Variants in COL14A1 observed in about 807,000 individuals in gnomAD.
COL14A1 encodes the protein collagen type XIV alpha 1 chain, also known as collagen alpha-1(XIV) chain.
COL14A1 carries 136 observed loss-of-function variants against 230.3 expected under a neutral mutation model. The observed-to-expected ratio is 0.59, with a 90% CI of 0.51 to 0.68. COL14A1 has a LOEUF of 0.68. COL14A1 is among the 30% of genes least tolerant of loss of function. COL14A1 has a pLI of 0.00. For synonymous variants in COL14A1, 792 were observed against 784.1 expected, an observed-to-expected ratio of 1.01 and a Z score of -0.17; for missense variants, 1,976 against 2,215.8, an observed-to-expected ratio of 0.89 and a Z score of 2.17.
At position 120,127,422 on chromosome 8, in the gene COL14A1, G is replaced by A. The variant is rs145743213; in HGVS notation, c.-38+2082G>A. ...GGAAGTATTCCTTGGAACCCATCAG[G>A]ATTCCTGGAGCAGTTTTGGATGGAT... On this transcript the variant is annotated intron_variant, in intron 1 of 47. Coordinates refer to ENST00000297848, the MANE Select transcript of COL14A1 (RefSeq NM_021110.4). Among the ~76,000 whole-genome samples, 826 of 152,312 alleles carry A rather than the reference G, an allele frequency of 5.4e-3. 2 individuals are homozygous for A. The highest frequency in any genetic ancestry group is 8.9e-3 in the Non-Finnish European group (604 of 68,024).
chr8:120,171,489 G>A (rs557321201), intron 5 of COL14A1, among the ~76,000 whole-genome samples: 1 of 152,250 alleles, frequency 6.6e-6, no homozygotes, highest in Admixed American at 6.5e-5. Context: ...ACTATTGAGA[G>A]ATTAGCTGGG....
chr8:120,128,222 C>T (rs201502574), intron 1 of COL14A1, among the ~76,000 whole-genome samples: 284 of 86,832 alleles, frequency 3.3e-3, no homozygotes, highest in Middle Eastern at 0.012. Context: ...TGTGTGTGTG[C>T]GCGCGCGTGT....
At chr8:120,154,026 A>C (rs764728620) in intron 2 of COL14A1, among the ~76,000 whole-genome samples, 2 of 152,148 alleles carry the variant, frequency 1.3e-5, no homozygotes, top group Non-Finnish European at 2.9e-5. Flanking sequence ...GTTGGAAGAA[A>C]ACCAGGATGC....
At chr8:120,141,066 A>T (rs972444358) in intron 1 of COL14A1, among the ~76,000 whole-genome samples, 4 of 152,212 alleles carry the variant, frequency 2.6e-5, no homozygotes, top group African/African-American at 9.6e-5. Context: ...GTTTTAACAA[A>T]TTAGGTTTGA....
chr8:120,370,491 T>A lies in COL14A1; in HGVS notation c.5312-661T>A, dbSNP rs1453374945. On this transcript the variant is annotated intron_variant, in intron 47 of 47. Coordinates refer to ENST00000297848, the MANE Select transcript of COL14A1 (RefSeq NM_021110.4). Reference sequence around the variant, plus strand: ...AACAATGGACACTCTGCTTCCCTGCTTCTTCTGCATCCCTGCCTTCCCACT... The same window carrying A: ...AACAATGGACACTCTGCTTCCCTGCATCTTCTGCATCCCTGCCTTCCCACT... 108 of 1,507,306 alleles carry A rather than the reference T, an allele frequency of 7.2e-5. 1 individual carries two copies. In the East Asian group the frequency reaches 2.6e-3, roughly 36 times the overall value. 93.4% of individuals were successfully genotyped at this position (1,507,306 alleles called of 1,614,324 possible).
intron 23 of COL14A1, among the ~76,000 whole-genome samples, chr8:120,259,805 A>G (rs1357798929): frequency 6.6e-6 from 1 of 152,190 alleles, no homozygotes; most frequent in Non-Finnish European, 1.5e-5. Context: ...AGTATGATCC[A>G]CGCATAAAAT....
chr8:120,310,091 G>A (rs746428630), intron 37 of COL14A1, 29 bp downstream of exon 37: 1 of 1,603,030 alleles, frequency 6.2e-7, no homozygotes, highest in Non-Finnish European at 8.5e-7. Flanking sequence ...CTCTCTCTCT[G>A]TCTCATCTCT....
intron 36 of COL14A1, among the ~76,000 whole-genome samples, chr8:120,305,647 T>A (rs1033872474): frequency 6.6e-6 from 1 of 152,220 alleles, no homozygotes; most frequent in African/African-American, 2.4e-5. Flanking sequence ...TGACCCATTC[T>A]GATTTACATC....
At chr8:120,249,178 A>G (rs1385157090) in intron 21 of COL14A1, among the ~76,000 whole-genome samples, 3 of 149,764 alleles carry the variant, frequency 2.0e-5, no homozygotes, top group Non-Finnish European at 3.0e-5. Flanking sequence ...TCGGCCTCCC[A>G]AAGTGCTGGG....
chr8:120,355,236 A>T (rs185479136), intron 45 of COL14A1, among the ~76,000 whole-genome samples: 46 of 152,308 alleles, frequency 3.0e-4, no homozygotes, highest in African/African-American at 1.1e-3. Context: ...TCATTCCCAG[A>T]TGATTCATCT....
chr8:120,335,144 A>T (rs959430598), intron 42 of COL14A1, among the ~76,000 whole-genome samples: 2 of 152,144 alleles, frequency 1.3e-5, no homozygotes, highest in Non-Finnish European at 2.9e-5. Flanking sequence ...GAGAGTTGAC[A>T]TGGGGCGTGG....
Position 120,371,218 on chromosome 8 carries a change from G to C in COL14A1, c.5378G>C (p.Gly1793Ala), listed in dbSNP as rs765402813. ...QDELEAMELW[G>A]PGV ...GAGCTGGAAGCCATGGAACTGTGGG[G>C]CCCTGGAGTCTGATAGCCTCAGGAG... The change falls in exon 48 of 48, where the codon GGC becomes GCC. Residue 1793 changes from glycine (G) to alanine (A), a missense_variant. By Grantham distance (60) the Gly-to-Ala change is moderately conservative. This residue lies in a region of COL14A1 where 1,791 missense variants were observed against 2,019.5 expected (regional missense o/e 0.89). Transcript: ENST00000297848. The C allele has an allele frequency of 1.4e-5, 22 of 1,610,686 alleles. No homozygotes were observed. Among genetic ancestry groups the C allele is most frequent in the Non-Finnish European group, 1.9e-5 (22 of 1,178,438 alleles).
At chr8:120,258,583 C>T (rs1563701252) in intron 23 of COL14A1, among the ~76,000 whole-genome samples, 1 of 151,738 alleles carries the variant, frequency 6.6e-6, no homozygotes, top group Non-Finnish European at 1.5e-5. Flanking sequence ...ACAAGACAGG[C>T]AAAAGCAACA....
chr8:120,355,222 C>T (rs756903901), intron 45 of COL14A1, among the ~76,000 whole-genome samples: 10 of 152,144 alleles, frequency 6.6e-5, no homozygotes, highest in Non-Finnish European at 1.3e-4. Flanking sequence ...CTGCTCTGTG[C>T]ATATCATTCC....
chr8:120,234,492 T>C (rs1203855385), intron 19 of COL14A1, among the ~76,000 whole-genome samples: 2 of 152,338 alleles, frequency 1.3e-5, no homozygotes, highest in African/African-American at 2.4e-5. Flanking sequence ...ATTCCATCAA[T>C]ACCTAGTTTA....
At chr8:120,187,447 G>A (rs576397145) in intron 5 of COL14A1, among the ~76,000 whole-genome samples, 2 of 152,262 alleles carry the variant, frequency 1.3e-5, no homozygotes, top group East Asian at 3.9e-4. Flanking sequence ...TAAAATGAAA[G>A]AATTTGAACT....
chr8:120,167,197 GGGAT>G (rs1815928658), intron 4 of COL14A1, among the ~76,000 whole-genome samples: 1 of 152,188 alleles, frequency 6.6e-6, no homozygotes, highest in South Asian at 2.1e-4. Flanking sequence ...TTTCAGCAAA[GGGAT>G]GGAAGACAGT....
chr8:120,229,327 G>A (rs770939100), intron 18 of COL14A1, among the ~76,000 whole-genome samples: 8 of 133,778 alleles, frequency 6.0e-5, no homozygotes, highest in East Asian at 2.2e-4. Context: ...TGTTCTCATC[G>A]TTCAGTTCCC....
rs1336891446 is a variant in COL14A1 at position 120,216,367 on chromosome 8, A to G, written c.1614A>G (p.Pro538=). ...ACTGCCAAGTGGCTTTAAGTCCACCAAGAAACCTGAGAATCTCCAATGTTG... is the reference window on the plus strand; with the variant it reads ...ACTGCCAAGTGGCTTTAAGTCCACCGAGAAACCTGAGAATCTCCAATGTTG... ...GQETTLALSP[P]RNLRISNVGS... Residue 538 remains proline (P), a synonymous_variant, in exon 14 of 48, where the codon CCA becomes CCG. Transcript: ENST00000297848. The G allele has an allele frequency of 3.1e-6, 5 of 1,611,652 alleles. No homozygotes were observed. The highest frequency in any genetic ancestry group is 4.2e-6 in the Non-Finnish European group (5 of 1,179,428).
Sources: allele counts gnomAD v4.1 joint callset (sites outside exome capture counted in the v4.1 genomes callset), GRCh38; gene constraint gnomAD v4.1.1; regional missense constraint gnomAD v4.1.1; transcripts MANE v1.5; gene names NCBI Gene and HGNC (gene_info 2026-07-23, HGNC 2026-07-21).